CSMD3: variants seen among roughly 807,000 people sequenced by gnomAD.
CSMD3 encodes the protein CUB and Sushi multiple domains 3, also known as CUB and sushi domain-containing protein 3.
CSMD3 carries 177 observed loss-of-function variants against 435.2 expected under a neutral mutation model. The observed-to-expected ratio is 0.41, with a 90% confidence interval of 0.36 to 0.46. The LOEUF is 0.46. Ranked by LOEUF, CSMD3 falls within the 20% of genes least tolerant of loss-of-function variation. The probability of loss-of-function intolerance (pLI) is 0.34; values close to 1 mark genes in which losing one functional copy is unlikely to be tolerated. For synonymous variants in CSMD3, 1,656 were observed against 1,520.5 expected (o/e 1.09, Z -2.07); for missense variants, 4,265 against 4,504.6 (o/e 0.95, Z 1.52).
At chr8:112,686,738 G>A (rs1276807957) in intron 14 of CSMD3, among the ~76,000 whole-genome samples, 2 of 151,882 alleles carry the variant, frequency 1.3e-5, no homozygotes, top group African/African-American at 2.4e-5. Context: ...CACCTGCCTC[G>A]GCCTCCGTAA....
chr8:113,149,721 G>C (rs149642228), intron 4 of CSMD3, among the ~76,000 whole-genome samples: 2 of 151,940 alleles, frequency 1.3e-5, no homozygotes, highest in Admixed American at 6.6e-5. Flanking sequence ...ATTTATAAGG[G>C]AGGAAACTCC....
intron 7 of CSMD3, among the ~76,000 whole-genome samples, chr8:112,967,431 G>A (rs2084463852): frequency 1.3e-5 from 2 of 151,788 alleles, no homozygotes; most frequent in Admixed American, 1.3e-4. Context: ...CTGGTGCACT[G>A]AGTACAAGAA....
intron 3 of CSMD3, among the ~76,000 whole-genome samples, chr8:113,259,450 T>C (rs931267832): frequency 2.6e-5 from 4 of 152,110 alleles, no homozygotes; most frequent in African/African-American, 4.8e-5. Context: ...ACAATAAGAA[T>C]TTATTTTGAA....
At chr8:112,857,573 A>G (rs2080697626) in intron 11 of CSMD3, among the ~76,000 whole-genome samples, 1 of 151,782 alleles carries the variant, frequency 6.6e-6, no homozygotes, top group African/African-American at 2.4e-5. Context: ...TATCTTGGAA[A>G]AAGATATTTA....
chr8:113,041,987 C>T (rs1366385957), intron 5 of CSMD3, among the ~76,000 whole-genome samples: 1 of 152,186 alleles, frequency 6.6e-6, no homozygotes, highest in Admixed American at 6.5e-5. Context: ...CCTACCTCAT[C>T]TAAACTATGT....
intron 4 of CSMD3, among the ~76,000 whole-genome samples, chr8:113,116,247 G>T (rs1004113880): frequency 6.6e-6 from 1 of 152,104 alleles, no homozygotes; most frequent in African/African-American, 2.4e-5. Context: ...GGACCTGGTA[G>T]GAGGTAATTG....
At chr8:113,197,309 A>T (rs559229850) in intron 3 of CSMD3, among the ~76,000 whole-genome samples, 37 of 151,206 alleles carry the variant, frequency 2.4e-4, no homozygotes, top group African/African-American at 8.7e-4. Context: ...ATATATATAT[A>T]ACACACATAT....
intron 12 of CSMD3, among the ~76,000 whole-genome samples, chr8:112,803,239 C>T (rs2079001305): frequency 6.6e-6 from 1 of 152,162 alleles, no homozygotes; most frequent in African/African-American, 2.4e-5. Flanking sequence ...TTCTGCATCC[C>T]TTGTGTCTCT....
rs74940316 is a variant in CSMD3 at position 113,154,736 on chromosome 8, A to G, written c.709+18986T>C. ...ACAATAGCTACTTCAGAGCTTTGGTAAAAGGATGAAAAGAGGCTAGGCATG... is the reference window on the plus strand; with the variant it reads ...ACAATAGCTACTTCAGAGCTTTGGTGAAAGGATGAAAAGAGGCTAGGCATG... On this transcript the variant is annotated intron_variant, in intron 4 of 70. Coordinates refer to ENST00000297405, the MANE Select transcript of CSMD3 (RefSeq NM_198123.2). Among the ~76,000 whole-genome samples the G allele has an allele frequency of 2.9e-3, 448 of 152,156 alleles. 3 individuals carry two copies. The highest frequency in any genetic ancestry group is 0.01 in the African/African-American group (429 of 41,566).
intron 32 of CSMD3, among the ~76,000 whole-genome samples, chr8:112,413,848 C>T (rs892073160): frequency 4.6e-5 from 7 of 152,162 alleles, no homozygotes; most frequent in Admixed American, 1.3e-4. Context: ...GACTATTTTA[C>T]TTCTGTGTCT....
intron 59 of CSMD3, among the ~76,000 whole-genome samples, chr8:112,266,926 T>A (rs908069163): frequency 2.6e-5 from 4 of 152,192 alleles, no homozygotes; most frequent in Non-Finnish European, 4.4e-5. Context: ...TGTAGTATAC[T>A]TAACATGCCT....
intron 13 of CSMD3, among the ~76,000 whole-genome samples, chr8:112,785,132 T>C (rs561024513): frequency 6.6e-6 from 1 of 152,082 alleles, no homozygotes; most frequent in East Asian, 1.9e-4. Context: ...TAATGTGATA[T>C]AGCATATTAA....
In CSMD3 at chr8:113,278,614, A is replaced by T; in HGVS notation, c.492T>A (p.His164Gln). 1.9e-6 allele frequency: 3 copies of T among 1,568,130 alleles called. No individual in the cohort carries two copies. The East Asian group carries it at 6.7e-5, about 35-fold the overall frequency. The change falls in exon 3 of 71, where the codon CAT becomes CAA. Residue 164 changes from histidine (H) to glutamine (Q), a missense_variant. By Grantham distance (24) the His-to-Gln change is conservative. Transcript: ENST00000297405. Reference protein sequence around the residue: ...RLTSDFAVSAHGFKVYYEELQ... With the variant: ...RLTSDFAVSAQGFKVYYEELQ... ...TACCTTCGTAATATACCTTAAATCC[A>T]TGAGCACTAACTGCAAAATCACTGG... is the stretch of plus-strand genomic sequence containing the variant.
At chr8:112,878,278 A>T (rs1329131034) in intron 10 of CSMD3, among the ~76,000 whole-genome samples, 1 of 152,196 alleles carries the variant, frequency 6.6e-6, no homozygotes, top group Non-Finnish European at 1.5e-5. Context: ...ACACTTCTCA[A>T]AAGAAGACAT....
In CSMD3 at chr8:113,119,882, A is replaced by G. The variant is rs77723236; in HGVS notation, c.710-20919T>C. ...GGTTTATGCATATAGAACAATCATT[A>G]TAACATTTCTATTGCATTTTTGTAT... On this transcript the variant is annotated intron_variant, in intron 4 of 70. Transcript: ENST00000297405. Among the ~76,000 whole-genome samples, 803 of 152,256 alleles carry G rather than the reference A, an allele frequency of 5.3e-3. 11 individuals carry two copies. Among genetic ancestry groups the G allele is most frequent in the African/African-American group, 0.018 (746 of 41,586 alleles).
At chr8:112,500,997 C>T (rs192766439) in intron 30 of CSMD3, among the ~76,000 whole-genome samples, 1 of 152,074 alleles carries the variant, frequency 6.6e-6, no homozygotes, top group Non-Finnish European at 1.5e-5. Context: ...ACTCAGACAC[C>T]GCTTCCTCAA....
In CSMD3 at chr8:112,440,551, C is replaced by T. The variant is rs968910733; in HGVS notation, c.5396-31519G>A. Among the ~76,000 whole-genome samples the T allele has an allele frequency of 5.3e-5, 8 of 152,150 alleles. No individual in the cohort carries two copies. In the East Asian group the frequency reaches 1.2e-3, roughly 22 times the overall value. On this transcript the variant is annotated intron_variant, in intron 32 of 70. Transcript: ENST00000297405. Reference sequence around the variant, plus strand: ...GATACTCTGTGTCGGTGCTCAGATCCCACAATTCCCTTCCATACTGCCCTA... The same window carrying T: ...GATACTCTGTGTCGGTGCTCAGATCTCACAATTCCCTTCCATACTGCCCTA...
intron 7 of CSMD3, among the ~76,000 whole-genome samples, chr8:112,964,912 T>C (rs2084361992): frequency 6.6e-6 from 1 of 151,988 alleles, no homozygotes; most frequent in Non-Finnish European, 1.5e-5. Flanking sequence ...ACCACGCTGT[T>C]CTGCCACATA....
intron 61 of CSMD3, among the ~76,000 whole-genome samples, chr8:112,259,261 TA>T (rs1215021421): frequency 6.6e-6 from 1 of 151,966 alleles, no homozygotes; most frequent in Non-Finnish European, 1.5e-5. Flanking sequence ...TATGCAGCCA[TA>T]AAAAAGGATG....
Sources: allele counts gnomAD v4.1 joint callset (sites outside exome capture counted in the v4.1 genomes callset), GRCh38; gene constraint gnomAD v4.1.1; transcripts MANE v1.5; gene names NCBI Gene and HGNC (gene_info 2026-07-23, HGNC 2026-07-21).